LRIG2: variants seen among roughly 807,000 people sequenced by gnomAD.
The protein encoded by LRIG2 is leucine rich repeats and immunoglobulin like domains 2.
Under a neutral mutation model 107.8 loss-of-function variants are expected in LRIG2, and 93 were observed. That is an observed-to-expected ratio of 0.86 (90% CI 0.73 to 1.03). The LOEUF (loss-of-function observed/expected upper bound fraction) is 1.03, where lower values mean the gene tolerates loss of function less well. LRIG2 is among the 50% of genes least tolerant of loss of function. The pLI is 0.00. For synonymous variants in LRIG2, 471 were observed against 470.6 expected (o/e 1.00, Z -0.01); for missense variants, 1,226 against 1,296.0 (o/e 0.95, Z 0.83).
Position 113,124,195 on chromosome 1 carries a change from G to T in LRIG2, c.*94G>T. On this transcript the variant is annotated 3_prime_UTR_variant, in exon 18 of 18. Coordinates refer to ENST00000361127, the MANE Select transcript of LRIG2 (RefSeq NM_014813.3). ...AGAAGAAACTCCGAAGTCAGCATTT[G>T]CTTTACTCTTTCTTTATGATTGCAT... 1.8e-6 allele frequency: 2 copies of T among 1,088,564 alleles called. No homozygotes were observed. Among genetic ancestry groups the T allele is most frequent in the Non-Finnish European group, 1.4e-6 (1 of 738,952 alleles). 67.4% of individuals were successfully genotyped at this position (1,088,564 alleles called of 1,614,324 possible).
intron 1 of LRIG2, among the ~76,000 whole-genome samples, chr1:113,074,169 A>G (rs773290894): frequency 2.0e-5 from 3 of 152,170 alleles, no homozygotes; most frequent in Non-Finnish European, 4.4e-5. Flanking sequence ...TTGATACTTA[A>G]CAGGGTTGAA....
intron 11 of LRIG2, among the ~76,000 whole-genome samples, chr1:113,106,573 C>T (rs1042746721): frequency 5.9e-5 from 9 of 152,164 alleles, no homozygotes; most frequent in Admixed American, 3.3e-4. Flanking sequence ...GGCGTGATCT[C>T]GGCTCACTGC....
rs529815927 is a variant in LRIG2, at chr1:113,122,163, A to G, written c.2972-1712A>G. 2.3e-3 allele frequency among the ~76,000 whole-genome samples: 334 copies of G among 147,834 alleles called. 1 individual carries two copies. Among genetic ancestry groups the G allele is most frequent in the African/African-American group, 8.0e-3 (319 of 39,724 alleles). ...AGTGGCACGATCTCGGCTCACTGCA[A>G]CCTCCGCTTTCCGGGTTCAAGCGAG... is the stretch of plus-strand genomic sequence containing the variant. On this transcript the variant is annotated intron_variant, in intron 17 of 17. Transcript: ENST00000361127.
Position 113,112,573 on chromosome 1 carries a change from T to C in LRIG2, c.1893T>C (p.Pro631=). ...LECAAEGHPA[P]QISWQKDGGT... Reference sequence around the variant, plus strand: ...GTGCTGCAGAGGGACACCCTGCACCTCAGATTTCCTGGCAGAAAGATGGTG... The same window carrying C: ...GTGCTGCAGAGGGACACCCTGCACCCCAGATTTCCTGGCAGAAAGATGGTG... Residue 631 remains proline, a synonymous_variant, in exon 14 of 18, where the codon CCT becomes CCC. Transcript: ENST00000361127. 1 of 1,614,188 alleles carries C rather than the reference T, an allele frequency of 6.2e-7. No individual in the cohort carries two copies. Among genetic ancestry groups the C allele is most frequent in the Non-Finnish European group, 8.5e-7 (1 of 1,180,038 alleles).
chr1:113,124,098 A>C lies in LRIG2; in HGVS notation c.3195A>C (p.Thr1065=), dbSNP rs772631239. ...ACATTCAAGATGGTAGTGAGGGCAC[A>C]TGAAACTCACTTCAGGATGAAATCT... The part of the protein sequence containing the change: ...TRNIQDGSEG[T] Residue 1065 remains threonine, a synonymous_variant, in exon 18 of 18, where the codon ACA becomes ACC. Coordinates refer to ENST00000361127, the MANE Select transcript of LRIG2 (RefSeq NM_014813.3). The C allele has an allele frequency of 1.2e-6, 2 of 1,613,160 alleles. No homozygotes were observed. Among genetic ancestry groups the C allele is most frequent in the Non-Finnish European group, 1.7e-6 (2 of 1,179,114 alleles).
intron 1 of LRIG2, among the ~76,000 whole-genome samples, chr1:113,086,000 G>GTTTTTTTTTTTTTTTTTTTT (rs34131524): frequency 1.5e-5 from 1 of 65,002 alleles, no homozygotes; most frequent in African/African-American, 5.9e-5. Flanking sequence ...TAACCCTGAG[G>GTTTTTTTTTTTTTTTTTTTT]TTTTTTTTTT....
rs1458926621 is a variant in LRIG2 at position 113,119,492 on chromosome 1, G to T, written c.2940G>T (p.Glu980Asp). ...CCACCAACCATGAGAGGATAAGTGA[G>T]AAGAAACTTCCCTCCACACAGATGA... ...AFPTNHERISEKKLPSTQMSG... is the reference protein window; with the variant it reads ...AFPTNHERISDKKLPSTQMSG... Residue 980 changes from glutamate to aspartate, a missense_variant, in exon 17 of 18, where the codon GAG becomes GAT. Coordinates refer to ENST00000361127, the MANE Select transcript of LRIG2 (RefSeq NM_014813.3). 1 of 1,614,152 alleles carries T rather than the reference G, an allele frequency of 6.2e-7. No individual in the cohort carries two copies. Among genetic ancestry groups the T allele is most frequent in the Admixed American group, 1.7e-5 (1 of 60,008 alleles).
At position 113,126,889 on chromosome 1, in the gene LRIG2, C is replaced by G. The variant is rs922669584; in HGVS notation, c.*2788C>G. ...ATTTGCAAGTAGAAAGCTTCTGGAA[C>G]CATTTGTCCATCCGACTTCTGCACT... On this transcript the variant is annotated 3_prime_UTR_variant, in exon 18 of 18. Transcript: ENST00000361127. 2.5e-5 allele frequency: 4 copies of G among 161,290 alleles called. No individual in the cohort carries two copies. Among genetic ancestry groups the G allele is most frequent in the Non-Finnish European group, 4.4e-5 (3 of 68,112 alleles). 10.0% of individuals were successfully genotyped at this position (161,290 alleles called of 1,614,324 possible). A position where few individuals can be genotyped will look rare whatever the true frequency, so the allele number is the denominator to read the frequency against.
At chr1:113,107,300 T>C (rs2101051072) in intron 11 of LRIG2, among the ~76,000 whole-genome samples, 1 of 152,292 alleles carries the variant, frequency 6.6e-6, no homozygotes, top group African/African-American at 2.4e-5. Context: ...AAAAAGTCAT[T>C]TGCAGATTTT....
intron 15 of LRIG2, 45 bp downstream of exon 15, chr1:113,114,921 G>T (rs1424207481): frequency 1.4e-6 from 2 of 1,440,324 alleles, no homozygotes; most frequent in East Asian, 2.3e-5. Flanking sequence ...CTTCAGTCAA[G>T]AATGTAGTAT....
intron 1 of LRIG2, among the ~76,000 whole-genome samples, chr1:113,089,928 C>T (rs1052601855): frequency 1.1e-4 from 16 of 151,658 alleles, no homozygotes; most frequent in Non-Finnish European, 1.5e-4. Flanking sequence ...CTCCTGACCC[C>T]GGGTGATCCA....
chr1:113,095,462 G>C (rs1015726074), intron 6 of LRIG2, among the ~76,000 whole-genome samples: 1 of 151,966 alleles, frequency 6.6e-6, no homozygotes, highest in Non-Finnish European at 1.5e-5. Context: ...AGGCTGGAGT[G>C]CAGTGGCACA....
At chr1:113,074,058 T>C (rs1383639748) in intron 1 of LRIG2, among the ~76,000 whole-genome samples, 1 of 151,876 alleles carries the variant, frequency 6.6e-6, no homozygotes, top group Non-Finnish European at 1.5e-5. Context: ...ACCTCAGACT[T>C]AGTGGTCCTC....
intron 1 of LRIG2, among the ~76,000 whole-genome samples, chr1:113,082,390 G>C (rs1653327826): frequency 6.6e-6 from 1 of 152,164 alleles, no homozygotes; most frequent in African/African-American, 2.4e-5. Flanking sequence ...TGGTGTATTA[G>C]TCTCTTGCAC....
rs1019771925 is a variant in LRIG2, at chr1:113,129,551, C to A, written c.*5450C>A. The A allele has an allele frequency of 6.6e-6, 1 of 151,988 alleles. No homozygotes were observed. Among genetic ancestry groups the A allele is most frequent in the Non-Finnish European group, 1.5e-5 (1 of 68,018 alleles). The allele number at this position is 151,988 out of a possible 1,614,324, so 9.4% of individuals were successfully genotyped here. ...AAATAAACACACACACACACACACA[C>A]CCCTAGGAAAAGGAATTCCTGAAAC... On this transcript the variant is annotated 3_prime_UTR_variant, in exon 18 of 18. Transcript: ENST00000361127.
Position 113,132,118 on chromosome 1 carries a change from A to T in LRIG2, c.*8017A>T, listed in dbSNP as rs926459111. ...CTAGATGTACCTAAACAGAGATACA[A>T]GCCAAGTCATTGTTCAGTGTAGTCA... On this transcript the variant is annotated 3_prime_UTR_variant, in exon 18 of 18. Coordinates refer to ENST00000361127, the MANE Select transcript of LRIG2 (RefSeq NM_014813.3). 1.1e-4 allele frequency: 16 copies of T among 151,970 alleles called. No homozygotes were observed. 9.4% of individuals were successfully genotyped at this position (151,970 alleles called of 1,614,324 possible).
intron 9 of LRIG2, among the ~76,000 whole-genome samples, chr1:113,099,255 T>TTTTTTTTTTTA (rs59585603): frequency 3.4e-5 from 5 of 148,666 alleles, no homozygotes; most frequent in Admixed American, 6.7e-5. Context: ...TTTTTTTTTT[T>TTTTTTTTTTTA]GAGACAGGGT....
intron 17 of LRIG2, 144 bp from the exon 18 acceptor site, chr1:113,123,728 TGTG>T (rs759316932): frequency 3.3e-5 from 15 of 450,994 alleles, no homozygotes; most frequent in Middle Eastern, 5.8e-4. Context: ...TGGTGGTTTT[TGTG>T]TGTGTGTGTG....
chr1:113,104,873 C>T (rs1654466161), intron 11 of LRIG2, among the ~76,000 whole-genome samples: 2 of 152,102 alleles, frequency 1.3e-5, no homozygotes, highest in South Asian at 2.1e-4. Flanking sequence ...CTCAACCGGG[C>T]ACGATGGCTC....
Sources: gnomAD v4.1 joint callset for allele counts (sites outside exome capture counted in the v4.1 genomes callset) on GRCh38, gnomAD v4.1.1 for gene constraint, MANE v1.5 for transcripts, NCBI Gene and HGNC (gene_info 2026-07-23, HGNC 2026-07-21) for gene names.